Variants in WAC observed in about 807,000 individuals in gnomAD.
WAC encodes the protein WW domain containing adaptor with coiled-coil.
A neutral mutation model predicts 79.6 loss-of-function variants in WAC; 11 were observed. That is an observed-to-expected ratio of 0.14 (90% CI 0.09 to 0.23). The LOEUF (loss-of-function observed/expected upper bound fraction) is 0.23. WAC is among the 10% of genes least tolerant of loss of function. The pLI, the probability that WAC is intolerant of heterozygous loss-of-function variation, is 1.00. For synonymous variants in WAC, 304 were observed against 276.9 expected (o/e 1.10, Z -0.97); for missense variants, 728 against 773.5 (o/e 0.94, Z 0.70).
At chr10:28,547,271 A>G (rs1837403269) in intron 3 of WAC, among the ~76,000 whole-genome samples, 1 of 152,094 alleles carries the variant, frequency 6.6e-6, no homozygotes, top group African/African-American at 2.4e-5. Flanking sequence ...GCGGTGGCTC[A>G]CCCCTGTAAT....
intron 7 of WAC, among the ~76,000 whole-genome samples, chr10:28,597,083 A>G (rs990237631): frequency 6.6e-6 from 1 of 152,140 alleles, no homozygotes; most frequent in Non-Finnish European, 1.5e-5. Flanking sequence ...ATACATGCAT[A>G]TGTATTATAC....
At chr10:28,543,775 C>T (rs1837192568) in intron 3 of WAC, among the ~76,000 whole-genome samples, 1 of 152,194 alleles carries the variant, frequency 6.6e-6, no homozygotes, top group African/African-American at 2.4e-5. Flanking sequence ...TGTATCTTCT[C>T]ATTTAAGAGT....
chr10:28,542,563 C>T (rs534713078), intron 3 of WAC, among the ~76,000 whole-genome samples: 6 of 152,186 alleles, frequency 3.9e-5, no homozygotes, highest in African/African-American at 7.2e-5. Flanking sequence ...AACCTGACTT[C>T]TTGTGAAAGT....
intron 7 of WAC, among the ~76,000 whole-genome samples, chr10:28,602,200 G>C (rs561121158): frequency 5.3e-5 from 8 of 152,282 alleles, no homozygotes; most frequent in Non-Finnish European, 7.4e-5. Flanking sequence ...AGTGGGTCTT[G>C]CTAGTAGGGG....
chr10:28,617,119 ACT>A (rs1289240827), intron 12 of WAC, among the ~76,000 whole-genome samples: 2 of 151,952 alleles, frequency 1.3e-5, no homozygotes, highest in African/African-American at 4.8e-5. Context: ...ATTTTCTATG[ACT>A]CTCTCACTAG....
chr10:28,620,888 T>G lies in WAC; in HGVS notation c.*1282T>G, dbSNP rs1841662668. On this transcript the variant is annotated 3_prime_UTR_variant, in exon 14 of 14. Coordinates refer to ENST00000354911, the MANE Select transcript of WAC (RefSeq NM_016628.5). ...TAGCCATCACAAAACGCTAAATTTG[T>G]GTAATTGGAGCTTCCTGCTGTTATC... The G allele has an allele frequency of 6.6e-6, 1 of 152,214 alleles. No homozygotes were observed. Among genetic ancestry groups the G allele is most frequent in the South Asian group, 2.1e-4 (1 of 4,838 alleles). The allele number at this position is 152,214 out of a possible 1,614,324, so 9.4% of individuals were successfully genotyped here.
Position 28,614,690 on chromosome 10 carries a change from G to A in WAC, c.1556+5G>A, listed in dbSNP as rs1841399553. 4 of 1,605,324 alleles carry A rather than the reference G, an allele frequency of 2.5e-6. No homozygotes were observed. In the South Asian group the frequency reaches 4.4e-5, roughly 18 times the overall value. ...TCGAAGTCTTCAGCGCTCAAGGTAG[G>A]TTGATATTGTATATTGAGACCACAT... is the stretch of plus-strand genomic sequence containing the variant. On this transcript the variant is annotated splice_donor_5th_base_variant and intron_variant, in intron 11 of 13. Coordinates refer to ENST00000354911, the MANE Select transcript of WAC (RefSeq NM_016628.5).
At chr10:28,538,563 C>A (rs976391407) in intron 3 of WAC, among the ~76,000 whole-genome samples, 20 of 129,598 alleles carry the variant, frequency 1.5e-4, no homozygotes, top group African/African-American at 5.9e-4. Flanking sequence ...GCCTGGGAGA[C>A]GGATTGAGAC....
intron 4 of WAC, chr10:28,588,592 C>A (rs1375556473): frequency 6.6e-6 from 1 of 152,118 alleles, no homozygotes; most frequent in East Asian, 1.9e-4. Flanking sequence ...TAAAGCTGGG[C>A]CAAGGGTAAG....
At chr10:28,562,298 C>T (rs538596218) in intron 3 of WAC, among the ~76,000 whole-genome samples, 5 of 152,114 alleles carry the variant, frequency 3.3e-5, no homozygotes, top group East Asian at 1.9e-4. Flanking sequence ...TCAAGTAATC[C>T]GCCCACCTCA....
At chr10:28,539,171 A>C (rs942864276) in intron 3 of WAC, among the ~76,000 whole-genome samples, 8 of 152,318 alleles carry the variant, frequency 5.3e-5, no homozygotes, top group African/African-American at 1.9e-4. Flanking sequence ...TACTGGCATC[A>C]CAGCATTTTT....
At chr10:28,567,925 T>TG (rs1554782223) in intron 3 of WAC, among the ~76,000 whole-genome samples, 1 of 152,178 alleles carries the variant, frequency 6.6e-6, no homozygotes, top group East Asian at 1.9e-4. Flanking sequence ...GTTGTAGAGA[T>TG]GGGGGTCTCG....
rs1024957316 is a variant in WAC at position 28,533,801 on chromosome 10, G to A, written c.41+181G>A. ...GGGAACGCAGTGTGGCGGGGAGCGG[G>A]GGCCCGGCTTCGCGGCATTTCGCCC... On this transcript the variant is annotated intron_variant, in intron 1 of 13. Coordinates refer to ENST00000354911, the MANE Select transcript of WAC (RefSeq NM_016628.5). 5.0e-6 allele frequency: 5 copies of A among 994,140 alleles called. No individual in the cohort carries two copies. The East Asian group carries it at 1.2e-4, about 23-fold the overall frequency. 61.6% of individuals were successfully genotyped at this position (994,140 alleles called of 1,614,324 possible). A position where few individuals can be genotyped will look rare whatever the true frequency, so the allele number is the denominator to read the frequency against.
rs371316200 is a variant in WAC at position 28,593,701 on chromosome 10, C to G, written c.611-2032C>G. ...GCAGAGGTTTCAGTGAGGCGAGATT[C>G]ATGCCATTGCACTCCAGTGAGACTC... is the stretch of plus-strand genomic sequence containing the variant. On this transcript the variant is annotated intron_variant, in intron 6 of 13. Transcript: ENST00000354911. Among the ~76,000 whole-genome samples the G allele has an allele frequency of 6.7e-5, 10 of 149,184 alleles. No homozygotes were observed. The East Asian group carries it at 1.6e-3, about 24-fold the overall frequency.
At chr10:28,575,221 G>A (rs1455854187) in intron 3 of WAC, among the ~76,000 whole-genome samples, 3 of 152,160 alleles carry the variant, frequency 2.0e-5, no homozygotes, top group Non-Finnish European at 4.4e-5. Flanking sequence ...ACTGAGCATA[G>A]TGCCCAACAG....
At position 28,620,858 on chromosome 10, in the gene WAC, G is replaced by C. The variant is rs1037043088; in HGVS notation, c.*1252G>C. ...CTGTTCAAGTCTGGTGCTGACTGCTGTTCTTAGCCATCACAAAACGCTAAA... is the reference window on the plus strand; with the variant it reads ...CTGTTCAAGTCTGGTGCTGACTGCTCTTCTTAGCCATCACAAAACGCTAAA... On this transcript the variant is annotated 3_prime_UTR_variant, in exon 14 of 14. Coordinates refer to ENST00000354911, the MANE Select transcript of WAC (RefSeq NM_016628.5). The C allele has an allele frequency of 5.3e-5, 8 of 152,164 alleles. No homozygotes were observed. The highest frequency in any genetic ancestry group is 1.9e-4 in the African/African-American group (8 of 41,428). The allele number at this position is 152,164 out of a possible 1,614,324, so 9.4% of individuals were successfully genotyped here. A position where few individuals can be genotyped will look rare whatever the true frequency, so the allele number is the denominator to read the frequency against.
At chr10:28,558,020 G>C (rs1460154172) in intron 3 of WAC, among the ~76,000 whole-genome samples, 4 of 152,142 alleles carry the variant, frequency 2.6e-5, no homozygotes, top group African/African-American at 9.7e-5. Context: ...GTTGCAGTGA[G>C]CCTAGATTGT....
chr10:28,619,873 G>C lies in WAC; in HGVS notation c.*267G>C, dbSNP rs1841628640. On this transcript the variant is annotated 3_prime_UTR_variant, in exon 14 of 14. Coordinates refer to ENST00000354911, the MANE Select transcript of WAC (RefSeq NM_016628.5). ...AAGCCATGGGAAGCCATGTGTAACA[G>C]AGCTTAGACATCCAAAACTAATCAA... 3.7e-6 allele frequency: 1 copy of C among 271,176 alleles called. No homozygotes were observed. The highest frequency in any genetic ancestry group is 2.2e-5 in the African/African-American group (1 of 44,740). The allele number at this position is 271,176 out of a possible 1,614,324, so 16.8% of individuals were successfully genotyped here. A position where few individuals can be genotyped will look rare whatever the true frequency, so the allele number is the denominator to read the frequency against.
At chr10:28,602,736 T>C (rs1368936424) in intron 7 of WAC, among the ~76,000 whole-genome samples, 1 of 152,240 alleles carries the variant, frequency 6.6e-6, no homozygotes, top group Non-Finnish European at 1.5e-5. Context: ...TACAGTAGTT[T>C]GCAAGGGTAC....
Sources: gnomAD v4.1 joint callset for allele counts (sites outside exome capture counted in the v4.1 genomes callset) on GRCh38, gnomAD v4.1.1 for gene constraint, MANE v1.5 for transcripts, NCBI Gene and HGNC (gene_info 2026-07-23, HGNC 2026-07-21) for gene names.